The following NPAS3 variants were observed in gnomAD, a reference collection of about 807,000 sequenced individuals.
The protein encoded by NPAS3 is neuronal PAS domain protein 3, also known as neuronal PAS domain-containing protein 3.
In NPAS3, 14 loss-of-function variants were observed where a neutral mutation model predicts 73.1. That is an observed-to-expected ratio of 0.19 (90% confidence interval 0.13 to 0.30). NPAS3 has a LOEUF of 0.30. Among genes scored for constraint, NPAS3 ranks in the 10% least tolerant of loss-of-function variants. NPAS3 has a pLI of 1.00. For synonymous variants in NPAS3, 620 were observed against 541.5 expected (o/e 1.14, Z -2.01); for missense variants, 1,096 against 1,250.0 (o/e 0.88, Z 1.86).
chr14:33,577,704 G>A (rs761376272), intron 5 of NPAS3, among the ~76,000 whole-genome samples: 1 of 152,202 alleles, frequency 6.6e-6, no homozygotes, highest in Non-Finnish European at 1.5e-5. Context: ...GGACTGATAT[G>A]ATATTCTGTC....
At chr14:33,442,118 G>A (rs994932307) in intron 4 of NPAS3, among the ~76,000 whole-genome samples, 4 of 152,174 alleles carry the variant, frequency 2.6e-5, no homozygotes, top group Admixed American at 6.5e-5. Context: ...ATATTCTTAT[G>A]TGGTCTCAGT....
At chr14:33,328,224 G>A (rs563192778) in intron 3 of NPAS3, among the ~76,000 whole-genome samples, 3 of 151,954 alleles carry the variant, frequency 2.0e-5, no homozygotes, top group Non-Finnish European at 2.9e-5. Flanking sequence ...CAAGGGATCC[G>A]AGCATGGTTC....
At chr14:33,754,567 G>T (rs1333586568) in intron 7 of NPAS3, among the ~76,000 whole-genome samples, 2 of 152,122 alleles carry the variant, frequency 1.3e-5, no homozygotes, top group East Asian at 3.9e-4. Context: ...AATGGAATGT[G>T]CAGGCAATAT....
chr14:33,474,290 C>A (rs2050918762), intron 4 of NPAS3, among the ~76,000 whole-genome samples: 1 of 151,752 alleles, frequency 6.6e-6, no homozygotes, highest in South Asian at 2.1e-4. Flanking sequence ...AGAAGTTTGA[C>A]CATAAATATG....
At chr14:33,300,993 G>C (rs987184390) in intron 3 of NPAS3, among the ~76,000 whole-genome samples, 1 of 152,054 alleles carries the variant, frequency 6.6e-6, no homozygotes, top group African/African-American at 2.4e-5. Context: ...GGAGAGAGGG[G>C]ATAGCAGGTG....
chr14:33,372,237 C>T (rs1239021224), intron 4 of NPAS3, among the ~76,000 whole-genome samples: 2 of 152,104 alleles, frequency 1.3e-5, no homozygotes, highest in Non-Finnish European at 1.5e-5. Context: ...CACTGAAGTG[C>T]ATACTACGTG....
chr14:33,293,667 G>A (rs1427489899), intron 3 of NPAS3, among the ~76,000 whole-genome samples: 4 of 152,212 alleles, frequency 2.6e-5, no homozygotes, highest in Non-Finnish European at 4.4e-5. Context: ...TGAAAAGGGT[G>A]GAGGAAAGGA....
intron 5 of NPAS3, among the ~76,000 whole-genome samples, chr14:33,644,100 T>C (rs1027231792): frequency 6.6e-6 from 1 of 152,252 alleles, no homozygotes; most frequent in South Asian, 2.1e-4. Flanking sequence ...CGCTCTTCTT[T>C]AGTGGCATTG....
Position 33,417,622 on chromosome 14 carries a change from T to G in NPAS3, c.468+50354T>G, listed in dbSNP as rs747858453. 3.3e-5 allele frequency among the ~76,000 whole-genome samples: 5 copies of G among 152,048 alleles called. No homozygotes were observed. The South Asian group carries it at 8.3e-4, about 25-fold the overall frequency. On this transcript the variant is annotated intron_variant, in intron 4 of 11. Coordinates refer to ENST00000356141, the Ensembl canonical transcript of NPAS3. ...CCAAATCTCTTGCTTTGAACTTTGT[T>G]GCCATATTAGACATTACCTCTCTGC... is the stretch of plus-strand genomic sequence containing the variant.
At chr14:33,416,470 A>G (rs1249576376) in intron 4 of NPAS3, among the ~76,000 whole-genome samples, 1 of 151,950 alleles carries the variant, frequency 6.6e-6, no homozygotes, top group East Asian at 1.9e-4. Flanking sequence ...CTTCAACACA[A>G]ATAACATAGG....
At chr14:33,747,046 T>C (rs1177231238) in intron 7 of NPAS3, among the ~76,000 whole-genome samples, 1 of 152,116 alleles carries the variant, frequency 6.6e-6, no homozygotes, top group Non-Finnish European at 1.5e-5. Flanking sequence ...CTCAGGGATC[T>C]AGAACTAGAA....
chr14:33,153,847 C>G (rs1313095089), intron 2 of NPAS3, among the ~76,000 whole-genome samples: 2 of 152,110 alleles, frequency 1.3e-5, no homozygotes, highest in Non-Finnish European at 2.9e-5. Flanking sequence ...CTTGGGGTCT[C>G]TTGTTTCATT....
At position 33,377,358 on chromosome 14, in the gene NPAS3, A is replaced by C. The variant is rs146824757; in HGVS notation, c.468+10090A>C. Among the ~76,000 whole-genome samples the C allele has an allele frequency of 9.2e-5, 14 of 152,348 alleles. No individual in the cohort carries two copies. The East Asian group carries it at 2.3e-3, about 25-fold the overall frequency. On this transcript the variant is annotated intron_variant, in intron 4 of 11. Coordinates refer to ENST00000356141, the Ensembl canonical transcript of NPAS3. ...ATTACGTGACCTCCTCAACTTGCTC[A>C]GAAAAAAAATGAGGATAAACACCCA... is the stretch of plus-strand genomic sequence containing the variant.
chr14:33,465,793 A>G (rs532982821), intron 4 of NPAS3, among the ~76,000 whole-genome samples: 1 of 152,298 alleles, frequency 6.6e-6, no homozygotes, highest in African/African-American at 2.4e-5. Flanking sequence ...TTAATTCAGT[A>G]TAATATATGG....
chr14:33,001,176 A>G (rs2038792015), intron 1 of NPAS3, among the ~76,000 whole-genome samples: 1 of 152,190 alleles, frequency 6.6e-6, no homozygotes, highest in Non-Finnish European at 1.5e-5. Context: ...TCTAGGTTCT[A>G]GGAGTCTTCC....
chr14:33,320,594 G>A (rs1860042013), intron 3 of NPAS3, among the ~76,000 whole-genome samples: 1 of 152,150 alleles, frequency 6.6e-6, no homozygotes, highest in African/African-American at 2.4e-5. Flanking sequence ...GTGGACACAG[G>A]ATGTGATTTG....
At chr14:32,972,815 A>G (rs930719932) in intron 1 of NPAS3, among the ~76,000 whole-genome samples, 1 of 152,222 alleles carries the variant, frequency 6.6e-6, no homozygotes, top group African/African-American at 2.4e-5. Flanking sequence ...GAAGTGATAG[A>G]AGGATTGGAA....
At chr14:33,025,185 A>G (rs2039757711) in intron 1 of NPAS3, among the ~76,000 whole-genome samples, 1 of 152,232 alleles carries the variant, frequency 6.6e-6, no homozygotes, top group Non-Finnish European at 1.5e-5. Flanking sequence ...CAGCTGGCTT[A>G]AACGGTTTTG....
intron 1 of NPAS3, among the ~76,000 whole-genome samples, chr14:32,978,850 C>A (rs911295250): frequency 6.6e-6 from 1 of 152,278 alleles, no homozygotes; most frequent in Admixed American, 6.5e-5. Flanking sequence ...TGACTACTTG[C>A]AGTTTCAGGC....
Sources: gnomAD v4.1 joint callset for allele counts (sites outside exome capture counted in the v4.1 genomes callset) on GRCh38, gnomAD v4.1.1 for gene constraint, MANE v1.5 for transcripts, NCBI Gene and HGNC (gene_info 2026-07-23, HGNC 2026-07-21) for gene names.